Variants in OXR1 observed in about 807,000 individuals in gnomAD.
OXR1 encodes oxidation resistance 1.
Under a neutral mutation model 104.6 loss-of-function variants are expected in OXR1, and 41 were observed. The ratio of observed to expected loss-of-function variants is 0.39; its 90% CI spans 0.31 to 0.51. The LOEUF (loss-of-function observed/expected upper bound fraction) is 0.51. Among genes scored for constraint, OXR1 ranks in the 20% least tolerant of loss-of-function variants. The probability of loss-of-function intolerance (pLI) is 0.77; values close to 1 mark genes in which losing one functional copy is unlikely to be tolerated. For synonymous variants in OXR1, 348 were observed against 348.4 expected (o/e 1.00, Z 0.01); for missense variants, 955 against 1,031.9 (o/e 0.93, Z 1.02).
At chr8:106,388,238 A>G (rs527668588) in intron 2 of OXR1, among the ~76,000 whole-genome samples, 45 of 152,286 alleles carry the variant, frequency 3.0e-4, no homozygotes, top group Admixed American at 1.2e-3. Context: ...ACTTGGAAAA[A>G]TTATTTGAAG....
rs1219000508 is a variant in OXR1 at position 106,423,469 on chromosome 8, A to T, written c.23+63833A>T. On this transcript the variant is annotated intron_variant, in intron 2 of 16. Coordinates refer to ENST00000517566, the MANE Select transcript of OXR1 (RefSeq NM_001198533.2). ...ATTTCTGGAATTATAGCTAGGTTAT[A>T]CTCTAGAAGCAATTTGAAAAAAATA... Among the ~76,000 whole-genome samples, 4 of 152,272 alleles carry T rather than the reference A, an allele frequency of 2.6e-5. No individual in the cohort carries two copies. In the East Asian group the frequency reaches 5.8e-4, roughly 22 times the overall value.
At chr8:106,286,273 C>T (rs1025292772) in intron 1 of OXR1, among the ~76,000 whole-genome samples, 5 of 148,550 alleles carry the variant, frequency 3.4e-5, no homozygotes. Context: ...GTACATCTAG[C>T]CCATTAATCC....
intron 1 of OXR1, among the ~76,000 whole-genome samples, chr8:106,296,863 TG>T (rs1278818068): frequency 6.6e-6 from 1 of 152,220 alleles, no homozygotes; most frequent in East Asian, 1.9e-4. Context: ...TTCTAATTTT[TG>T]TCTTATAATG....
At chr8:106,271,363 G>C (rs1811799366) in intron 1 of OXR1, among the ~76,000 whole-genome samples, 1 of 152,080 alleles carries the variant, frequency 6.6e-6, no homozygotes, top group South Asian at 2.1e-4. Flanking sequence ...TCGGGCTTCC[G>C]TTCAGTGGTT....
At chr8:106,686,829 C>T (rs1265733551) in intron 6 of OXR1, among the ~76,000 whole-genome samples, 2 of 152,078 alleles carry the variant, frequency 1.3e-5, no homozygotes, top group African/African-American at 4.8e-5. Context: ...TGAGAATTTC[C>T]ATGGAAAACT....
At chr8:106,284,374 G>A (rs1022093167) in intron 1 of OXR1, among the ~76,000 whole-genome samples, 6 of 152,076 alleles carry the variant, frequency 3.9e-5, no homozygotes, top group Non-Finnish European at 7.4e-5. Context: ...AGGTGAGTGT[G>A]GGACCAGATG....
intron 3 of OXR1, among the ~76,000 whole-genome samples, chr8:106,643,319 T>C (rs1373222219): frequency 6.6e-6 from 1 of 152,186 alleles, no homozygotes; most frequent in African/African-American, 2.4e-5. Flanking sequence ...ATGGCTGTGT[T>C]CAAAGGAAAC....
intron 3 of OXR1, among the ~76,000 whole-genome samples, chr8:106,619,161 C>A (rs535021666): frequency 3.9e-5 from 6 of 152,194 alleles, no homozygotes; most frequent in Non-Finnish European, 7.4e-5. Context: ...AACTGTGTGA[C>A]AGTATCAGAA....
intron 2 of OXR1, among the ~76,000 whole-genome samples, chr8:106,429,223 G>GC (rs1465596663): frequency 2.0e-5 from 3 of 151,932 alleles, no homozygotes; most frequent in African/African-American, 7.3e-5. Context: ...CTCTGAGTTG[G>GC]CCCCCCAATC....
chr8:106,310,693 G>T (rs1157313679), intron 1 of OXR1, among the ~76,000 whole-genome samples: 1 of 152,098 alleles, frequency 6.6e-6, no homozygotes, highest in Admixed American at 6.5e-5. Flanking sequence ...AGGAATATAG[G>T]TTAGAAATAA....
At chr8:106,375,819 C>A (rs1326309637) in intron 2 of OXR1, among the ~76,000 whole-genome samples, 9 of 152,180 alleles carry the variant, frequency 5.9e-5, no homozygotes, top group Admixed American at 5.9e-4. Flanking sequence ...TCATTTGGTT[C>A]CTATAAGGCT....
At chr8:106,441,503 G>C (rs976595466) in intron 2 of OXR1, among the ~76,000 whole-genome samples, 1 of 152,102 alleles carries the variant, frequency 6.6e-6, no homozygotes, top group African/African-American at 2.4e-5. Context: ...AAATTACTTT[G>C]GGCAGTATGG....
chr8:106,407,127 C>A (rs1032611505), intron 2 of OXR1, among the ~76,000 whole-genome samples: 2 of 152,076 alleles, frequency 1.3e-5, no homozygotes, highest in African/African-American at 4.8e-5. Flanking sequence ...AAATGTTTCC[C>A]TCTCTTTTTT....
At chr8:106,678,286 A>G (rs1827803100) in intron 3 of OXR1, among the ~76,000 whole-genome samples, 1 of 152,060 alleles carries the variant, frequency 6.6e-6, no homozygotes. Flanking sequence ...TTAAGTTTAG[A>G]TAGAGGGAGA....
At chr8:106,685,829 C>T (rs1828658589) in intron 6 of OXR1, among the ~76,000 whole-genome samples, 1 of 152,010 alleles carries the variant, frequency 6.6e-6, no homozygotes, top group African/African-American at 2.4e-5. Flanking sequence ...CTTGCACATG[C>T]GTATATAGCA....
intron 1 of OXR1, among the ~76,000 whole-genome samples, chr8:106,294,422 AAG>A (rs1173524386): frequency 6.6e-6 from 1 of 150,598 alleles, no homozygotes; most frequent in Non-Finnish European, 1.5e-5. Flanking sequence ...AAAAGAAAGA[AAG>A]AAATACCTGA....
chr8:106,707,031 A>C lies in OXR1; in HGVS notation c.1510A>C (p.Lys504Gln). ...DSQTEAEELR[K>Q]LWKTHTMQQT... ...ACAGACAGAGGCAGAAGAGCTACGCAAACTTTGGAAAACCCATACTATGCA... is the reference window on the plus strand; with the variant it reads ...ACAGACAGAGGCAGAAGAGCTACGCCAACTTTGGAAAACCCATACTATGCA... Residue 504 changes from lysine to glutamine, a missense_variant, in exon 9 of 17, where the codon AAA becomes CAA. Coordinates refer to ENST00000517566, the MANE Select transcript of OXR1 (RefSeq NM_001198533.2). The C allele has an allele frequency of 6.2e-7, 1 of 1,614,002 alleles. No individual in the cohort carries two copies. The highest frequency in any genetic ancestry group is 8.5e-7 in the Non-Finnish European group (1 of 1,179,976).
intron 1 of OXR1, among the ~76,000 whole-genome samples, chr8:106,345,465 G>A (rs1815440266): frequency 6.6e-6 from 1 of 152,182 alleles, no homozygotes; most frequent in African/African-American, 2.4e-5. Flanking sequence ...AAAAGTTTTA[G>A]TATCCAAATA....
At chr8:106,567,388 C>T (rs941117125) in intron 3 of OXR1, among the ~76,000 whole-genome samples, 1 of 152,154 alleles carries the variant, frequency 6.6e-6, no homozygotes, top group Admixed American at 6.6e-5. Flanking sequence ...GTGCTTTATA[C>T]AGATGCTTCC....
Sources: gnomAD v4.1 joint callset for allele counts (sites outside exome capture counted in the v4.1 genomes callset) on GRCh38, gnomAD v4.1.1 for gene constraint, MANE v1.5 for transcripts, NCBI Gene and HGNC (gene_info 2026-07-23, HGNC 2026-07-21) for gene names.